Variants in KCNMB2 observed in about 807,000 individuals in gnomAD.
The protein encoded by KCNMB2 is potassium calcium-activated channel subfamily M regulatory beta subunit 2, also known as calcium-activated potassium channel subunit beta-2.
In KCNMB2, 9 loss-of-function variants were observed where a neutral mutation model predicts 24.5. The observed-to-expected ratio is 0.37, with a 90% CI of 0.22 to 0.64. KCNMB2 has a LOEUF of 0.64. Among genes scored for constraint, KCNMB2 ranks in the 30% least tolerant of loss-of-function variants. The pLI is 0.63. For missense variants in KCNMB2, 226 were observed against 284.3 expected, an observed-to-expected ratio of 0.79 and a Z score of 1.47; for synonymous variants, 109 against 104.4, an observed-to-expected ratio of 1.04 and a Z score of -0.27.
intron 4 of KCNMB2, among the ~76,000 whole-genome samples, chr3:178,830,204 AT>A (rs757384603): frequency 7.9e-5 from 12 of 152,210 alleles, no homozygotes; most frequent in Admixed American, 1.3e-4. Flanking sequence ...CATTATATAA[AT>A]GGAATCACAT....
chr3:178,662,816 T>C (rs1318780337), intron 1 of KCNMB2, among the ~76,000 whole-genome samples: 1 of 152,140 alleles, frequency 6.6e-6, no homozygotes, highest in Non-Finnish European at 1.5e-5. Context: ...ATTATCTCAC[T>C]GTCTTCACAG....
chr3:178,780,765 A>C (rs970211787), intron 1 of KCNMB2, among the ~76,000 whole-genome samples: 1 of 152,224 alleles, frequency 6.6e-6, no homozygotes, highest in African/African-American at 2.4e-5. Flanking sequence ...CTCATTCATA[A>C]AATAGGATAG....
At chr3:178,791,863 A>AG (rs1022165497) in intron 1 of KCNMB2, among the ~76,000 whole-genome samples, 4 of 151,926 alleles carry the variant, frequency 2.6e-5, no homozygotes, top group African/African-American at 7.2e-5. Context: ...AAAAAAAAAA[A>AG]AAAACTTTCC....
intron 1 of KCNMB2, among the ~76,000 whole-genome samples, chr3:178,633,321 T>G (rs1719393419): frequency 1.3e-5 from 2 of 152,106 alleles, no homozygotes; most frequent in South Asian, 4.1e-4. Flanking sequence ...CTCACGGAGG[T>G]TCTCCATGAG....
At chr3:178,561,609 A>G (rs1716319659) in intron 1 of KCNMB2, among the ~76,000 whole-genome samples, 1 of 152,208 alleles carries the variant, frequency 6.6e-6, no homozygotes, top group African/African-American at 2.4e-5. Context: ...ATAGTGCTGC[A>G]TTAGATTCCA....
intron 1 of KCNMB2, among the ~76,000 whole-genome samples, chr3:178,643,965 A>G (rs1719818185): frequency 6.6e-6 from 1 of 152,130 alleles, no homozygotes; most frequent in Non-Finnish European, 1.5e-5. Context: ...CCCTTTTCAC[A>G]CTTCACACCT....
chr3:178,607,892 C>CTCAG (rs1353116837), intron 1 of KCNMB2, among the ~76,000 whole-genome samples: 2 of 152,066 alleles, frequency 1.3e-5, no homozygotes, highest in African/African-American at 4.8e-5. Context: ...CATGTTCCTA[C>CTCAG]TCAGCTAGCA....
chr3:178,711,387 T>C (rs1490377584), intron 1 of KCNMB2, among the ~76,000 whole-genome samples: 2 of 152,192 alleles, frequency 1.3e-5, no homozygotes, highest in Non-Finnish European at 2.9e-5. Context: ...AGAACTTAAC[T>C]AATCCTGAGC....
At chr3:178,672,757 G>T (rs746316015) in intron 1 of KCNMB2, among the ~76,000 whole-genome samples, 2 of 152,156 alleles carry the variant, frequency 1.3e-5, no homozygotes, top group Non-Finnish European at 2.9e-5. Flanking sequence ...AATTCGTAGT[G>T]ACTTCAGTGT....
intron 1 of KCNMB2, among the ~76,000 whole-genome samples, chr3:178,754,886 T>C (rs1411043223): frequency 6.6e-6 from 1 of 152,196 alleles, no homozygotes; most frequent in African/African-American, 2.4e-5. Flanking sequence ...TTCTGGGTTA[T>C]GGGCTATGAA....
chr3:178,572,396 T>C (rs548543147), intron 1 of KCNMB2, among the ~76,000 whole-genome samples: 16 of 152,332 alleles, frequency 1.1e-4, no homozygotes, highest in African/African-American at 3.8e-4. Flanking sequence ...AGTGCTATCT[T>C]GTCTGTTTTT....
At chr3:178,826,093 A>G (rs189279131) in intron 3 of KCNMB2, among the ~76,000 whole-genome samples, 1 of 152,280 alleles carries the variant, frequency 6.6e-6, no homozygotes, top group African/African-American at 2.4e-5. Context: ...TGCTTGTGGC[A>G]GAGCTAAGAT....
At chr3:178,691,105 G>GTTTTTTTTT (rs1310077931) in intron 1 of KCNMB2, among the ~76,000 whole-genome samples, 27 of 32,944 alleles carry the variant, frequency 8.2e-4, no homozygotes, top group Middle Eastern at 0.02. Flanking sequence ...TCCCCATTAA[G>GTTTTTTTTT]TCTTTTTTTT....
chr3:178,700,685 T>C (rs1722057393), intron 1 of KCNMB2, among the ~76,000 whole-genome samples: 1 of 152,188 alleles, frequency 6.6e-6, no homozygotes, highest in South Asian at 2.1e-4. Context: ...GCAACATATA[T>C]TACTCGTGAC....
intron 1 of KCNMB2, among the ~76,000 whole-genome samples, chr3:178,792,051 C>T (rs1052466560): frequency 1.3e-5 from 2 of 152,046 alleles, no homozygotes; most frequent in East Asian, 3.9e-4. Flanking sequence ...TCTCAAGGTA[C>T]AAAATCCACT....
Position 178,564,175 on chromosome 3 carries a change from G to A in KCNMB2, c.-68+27464G>A, listed in dbSNP as rs540379320. Among the ~76,000 whole-genome samples, 82 of 152,198 alleles carry A rather than the reference G, an allele frequency of 5.4e-4. 2 individuals are homozygous for A. In the South Asian group the frequency reaches 0.017, roughly 31 times the overall value. ...CACCTATCATCCCAGCTACTCAAGA[G>A]GCTGAGGCAGGAGAATCGCTTCAAC... On this transcript the variant is annotated intron_variant, in intron 1 of 4. Transcript: ENST00000452583.
intron 1 of KCNMB2, among the ~76,000 whole-genome samples, chr3:178,797,731 T>C (rs1250883858): frequency 6.6e-6 from 1 of 152,210 alleles, no homozygotes; most frequent in Non-Finnish European, 1.5e-5. Context: ...TTGGGCAGTA[T>C]GGCCATTTTC....
intron 2 of KCNMB2, among the ~76,000 whole-genome samples, chr3:178,822,942 C>T (rs1040866572): frequency 1.3e-5 from 2 of 152,166 alleles, no homozygotes; most frequent in African/African-American, 4.8e-5. Flanking sequence ...CTTCTATCTG[C>T]AGGAAATTCA....
At chr3:178,610,939 A>C (rs924757977) in intron 1 of KCNMB2, among the ~76,000 whole-genome samples, 1 of 152,168 alleles carries the variant, frequency 6.6e-6, no homozygotes, top group African/African-American at 2.4e-5. Flanking sequence ...TTTTATCATG[A>C]AGTGATGTTG....
Sources: gnomAD v4.1 joint callset for allele counts (sites outside exome capture counted in the v4.1 genomes callset) on GRCh38, gnomAD v4.1.1 for gene constraint, MANE v1.5 for transcripts, NCBI Gene and HGNC (gene_info 2026-07-23, HGNC 2026-07-21) for gene names.